Variants in PVT1 observed in about 807,000 individuals in gnomAD.
PVT1 encodes the protein Pvt1 oncogene, also known as CXCR4/PVT1 fusion.
At chr8:127,943,754 T>C (rs774064989) in intron 3 of PVT1, among the ~76,000 whole-genome samples, 33 of 152,358 alleles carry the variant, frequency 2.2e-4, no homozygotes, top group Non-Finnish European at 4.4e-4. Flanking sequence ...TAATTAGGGC[T>C]GACGTGGGCT....
intron 4 of PVT1, chr8:128,049,344 A>T (rs1813658417): frequency 2.8e-6 from 1 of 361,662 alleles, no homozygotes; most frequent in South Asian, 2.0e-5. Flanking sequence ...CGGGAGTGTG[A>T]TGACGCATGC....
At chr8:127,964,881 C>G (rs1277989332) in intron 3 of PVT1, among the ~76,000 whole-genome samples, 1 of 152,134 alleles carries the variant, frequency 6.6e-6, no homozygotes, top group Non-Finnish European at 1.5e-5. Flanking sequence ...TGCAGCTCTC[C>G]TACTCTTGAG....
intron 5 of PVT1, among the ~76,000 whole-genome samples, chr8:128,084,346 C>T (rs530027923): frequency 4.3e-4 from 65 of 152,248 alleles, no homozygotes; most frequent in Middle Eastern, 3.4e-3. Context: ...TTTGCACATA[C>T]GATTTTCCTT....
intron 4 of PVT1, among the ~76,000 whole-genome samples, chr8:128,052,287 G>A (rs899139473): frequency 2.7e-5 from 4 of 149,814 alleles, no homozygotes. Flanking sequence ...CGTCTGTGAA[G>A]GCCAACCTGG....
At chr8:128,016,195 A>G (rs781327343) in intron 4 of PVT1, among the ~76,000 whole-genome samples, 1 of 151,868 alleles carries the variant, frequency 6.6e-6, no homozygotes, top group Non-Finnish European at 1.5e-5. Flanking sequence ...GAGGATCACC[A>G]GAATCTGGGA....
intron 3 of PVT1, chr8:127,947,744 G>A (rs1256730025): frequency 2.2e-6 from 1 of 456,516 alleles, no homozygotes; most frequent in African/African-American, 2.0e-5. Context: ...TGAAGAAAAG[G>A]CGATGATCAC....
At chr8:127,921,224 G>A (rs1264623576) in intron 3 of PVT1, among the ~76,000 whole-genome samples, 1 of 152,150 alleles carries the variant, frequency 6.6e-6, no homozygotes, top group African/African-American at 2.4e-5. Context: ...GCTGAGTAGT[G>A]CTGAGGATAT....
At chr8:128,016,550 T>C (rs1318435495) in intron 4 of PVT1, among the ~76,000 whole-genome samples, 1 of 152,248 alleles carries the variant, frequency 6.6e-6, no homozygotes, top group Non-Finnish European at 1.5e-5. Context: ...GAATGGCTAA[T>C]GCTTACAGCT....
chr8:127,991,826 A>G (rs892771546), intron 4 of PVT1, among the ~76,000 whole-genome samples: 4 of 152,096 alleles, frequency 2.6e-5, no homozygotes, highest in Admixed American at 6.5e-5. Context: ...CTTGTCCTAA[A>G]GGCACTTCTC....
chr8:127,859,729 C>A (rs1815199055), intron 2 of PVT1, among the ~76,000 whole-genome samples: 1 of 151,970 alleles, frequency 6.6e-6, no homozygotes, highest in African/African-American at 2.4e-5. Context: ...TTTAGAGTCA[C>A]CTGGGGTTGA....
intron 2 of PVT1, among the ~76,000 whole-genome samples, chr8:127,876,928 G>T (rs1654384964): frequency 6.6e-6 from 1 of 152,380 alleles, no homozygotes; most frequent in African/African-American, 2.4e-5. Flanking sequence ...CGTGACTTGA[G>T]TAGAGACCTG....
intron 3 of PVT1, among the ~76,000 whole-genome samples, chr8:127,925,718 C>T (rs1286358491): frequency 6.6e-6 from 1 of 151,932 alleles, no homozygotes; most frequent in Non-Finnish European, 1.5e-5. Context: ...CTCGGCTCAC[C>T]GCAACCTCTG....
At chr8:128,075,040 T>C (rs913174347) in intron 5 of PVT1, among the ~76,000 whole-genome samples, 1 of 152,250 alleles carries the variant, frequency 6.6e-6, no homozygotes, top group Non-Finnish European at 1.5e-5. Flanking sequence ...TGTACTATTA[T>C]ATTCATTTGT....
intron 3 of PVT1, among the ~76,000 whole-genome samples, chr8:127,972,687 C>T (rs954750827): frequency 5.3e-5 from 8 of 152,030 alleles, no homozygotes; most frequent in South Asian, 4.2e-4. Context: ...TGCAGTAAGC[C>T]GAGATCCCGC....
At chr8:127,877,045 G>A (rs1815413222) in intron 2 of PVT1, among the ~76,000 whole-genome samples, 1 of 152,194 alleles carries the variant, frequency 6.6e-6, no homozygotes, top group Non-Finnish European at 1.5e-5. Flanking sequence ...GGTGCTTATG[G>A]GATGTATGGA....
intron 3 of PVT1, among the ~76,000 whole-genome samples, chr8:127,900,869 G>A (rs905391331): frequency 2.6e-5 from 4 of 152,128 alleles, no homozygotes; most frequent in Admixed American, 1.3e-4. Flanking sequence ...AGGAGTGGGT[G>A]GTGTTCACCA....
At position 127,931,953 on chromosome 8, in the gene PVT1, A is replaced by G. The variant is rs988024712; in HGVS notation, n.782+40955A>G. On this transcript the variant is annotated intron_variant and non_coding_transcript_variant, in intron 3 of 10. Transcript: ENST00000651587. ...GCTTGGCGCTGTGTGACTGCATAAC[A>G]ACGGGTTACTCATTTCCTCTGGAAA... Among the ~76,000 whole-genome samples, 3 of 152,316 alleles carry G rather than the reference A, an allele frequency of 2.0e-5. No individual in the cohort carries two copies. In the East Asian group the frequency reaches 5.8e-4, roughly 29 times the overall value.
At chr8:128,033,476 C>T (rs911778604) in intron 4 of PVT1, among the ~76,000 whole-genome samples, 15 of 152,296 alleles carry the variant, frequency 9.8e-5, no homozygotes, top group Non-Finnish European at 1.6e-4. Context: ...ACCTCCTTTC[C>T]GCAGGTTGCT....
chr8:127,837,823 T>C (rs985363761), intron 2 of PVT1, among the ~76,000 whole-genome samples: 13 of 152,198 alleles, frequency 8.5e-5, no homozygotes, highest in African/African-American at 3.1e-4. Flanking sequence ...TCAGCCTATG[T>C]ACTGCTTCCT....
Sources: gnomAD v4.1 joint callset for allele counts (sites outside exome capture counted in the v4.1 genomes callset) on GRCh38, gnomAD v4.1.1 for gene constraint, MANE v1.5 for transcripts, NCBI Gene and HGNC (gene_info 2026-07-23, HGNC 2026-07-21) for gene names.